NEDD9: variants seen among roughly 807,000 people sequenced by gnomAD.
NEDD9 encodes enhancer of filamentation 1.
A neutral mutation model predicts 76.6 loss-of-function variants in NEDD9; 26 were observed. That is an observed-to-expected ratio of 0.34 (90% CI 0.25 to 0.47). The LOEUF (loss-of-function observed/expected upper bound fraction) is 0.47. Ranked by LOEUF, NEDD9 falls within the 20% of genes least tolerant of loss-of-function variation. The pLI is 1.00. For missense variants in NEDD9, 937 were observed against 1,058.5 expected, an observed-to-expected ratio of 0.89 and a Z score of 1.59; for synonymous variants, 392 against 414.2, an observed-to-expected ratio of 0.95 and a Z score of 0.65.
intron 3 of NEDD9, among the ~76,000 whole-genome samples, chr6:11,275,124 C>T (rs370909584): frequency 1.3e-5 from 2 of 152,288 alleles, no homozygotes; most frequent in South Asian, 2.1e-4. Context: ...GGACATTTTG[C>T]TCAGGGGAAT....
At chr6:11,379,136 G>A (rs1301616215) in intron 1 of NEDD9, among the ~76,000 whole-genome samples, 1 of 152,194 alleles carries the variant, frequency 6.6e-6, no homozygotes, top group African/African-American at 2.4e-5. Context: ...GGCCAGGCAG[G>A]CCCTGGGTGG....
chr6:11,235,689 A>AG (rs1759583171), upstream of NEDD9, among the ~76,000 whole-genome samples: 1 of 152,338 alleles, frequency 6.6e-6, no homozygotes, highest in East Asian at 1.9e-4. The surrounding 1 kb of genome is among the most constrained non-coding windows in gnomAD (Gnocchi z 4.1). Context: ...GAATAGTTTC[A>AG]GGGATCCAGC....
In NEDD9 at chr6:11,266,700, C is replaced by A. The variant is rs534112733; in HGVS notation, c.12+39292G>T. ...TCACCTAGGAATGGGAAGTTGTAAC[C>A]AGTGGTCTGAGTCTAAGCCAGGATA... On this transcript the variant is annotated intron_variant, in intron 3 of 3. Transcript: ENST00000397378. Among the ~76,000 whole-genome samples, 50 of 152,256 alleles carry A rather than the reference C, an allele frequency of 3.3e-4. 1 individual carries two copies. The highest frequency in any genetic ancestry group is 3.1e-4 in the Non-Finnish European group (21 of 68,016).
chr6:11,183,852 T>C lies in NEDD9; in HGVS notation c.*1310A>G, dbSNP rs540052841. The C allele has an allele frequency of 2.0e-5, 3 of 152,366 alleles. No homozygotes were observed. Among genetic ancestry groups the C allele is most frequent in the African/African-American group, 7.2e-5 (3 of 41,582 alleles). 9.4% of individuals were successfully genotyped at this position (152,366 alleles called of 1,614,324 possible). A position where few individuals can be genotyped will look rare whatever the true frequency, so the allele number is the denominator to read the frequency against. Reference sequence around the variant, plus strand: ...GATAATGTGCTTCTTCTCTTGGTAATATGTGAATACATTTACCCATGGGGT... The same window carrying C: ...GATAATGTGCTTCTTCTCTTGGTAACATGTGAATACATTTACCCATGGGGT... On this transcript the variant is annotated 3_prime_UTR_variant, in exon 7 of 7. Transcript: ENST00000379446.
intron 2 of NEDD9, among the ~76,000 whole-genome samples, chr6:11,319,867 C>G (rs745908089): frequency 1.2e-4 from 19 of 152,238 alleles, no homozygotes; most frequent in Non-Finnish European, 2.2e-4. Flanking sequence ...CACACTCATA[C>G]ACACTAACAT....
intron 1 of NEDD9, among the ~76,000 whole-genome samples, chr6:11,215,214 T>G (rs931036996): frequency 2.6e-5 from 4 of 152,180 alleles, no homozygotes; most frequent in Admixed American, 1.3e-4. Context: ...GATAAAGCCA[T>G]AGAGGACAGT....
chr6:11,253,206 CG>C (rs1759943774), intron 3 of NEDD9, among the ~76,000 whole-genome samples: 1 of 152,090 alleles, frequency 6.6e-6, no homozygotes, highest in Non-Finnish European at 1.5e-5. Context: ...TGTGCGCAGT[CG>C]TTGAACTTAC....
intron 2 of NEDD9, among the ~76,000 whole-genome samples, chr6:11,324,117 C>T (rs950217175): frequency 2.6e-5 from 4 of 152,204 alleles, no homozygotes; most frequent in African/African-American, 9.7e-5. Context: ...AGCCACGTGG[C>T]CACTGGTTTC....
chr6:11,307,865 G>A (rs982507760), intron 2 of NEDD9, among the ~76,000 whole-genome samples: 3 of 151,896 alleles, frequency 2.0e-5, no homozygotes, highest in Non-Finnish European at 2.9e-5. Context: ...CCCATGCACC[G>A]GGGTCTCTGT....
chr6:11,342,334 G>A (rs1011590112), intron 1 of NEDD9, among the ~76,000 whole-genome samples: 3 of 151,936 alleles, frequency 2.0e-5, no homozygotes, highest in Non-Finnish European at 4.4e-5. Flanking sequence ...AAAAATCCAC[G>A]AAGCCCAAGT....
chr6:11,324,933 T>C (rs1761889218), intron 2 of NEDD9, among the ~76,000 whole-genome samples: 1 of 152,238 alleles, frequency 6.6e-6, no homozygotes, highest in Non-Finnish European at 1.5e-5. Context: ...GTTACTTCTT[T>C]GCATTTGCAA....
chr6:11,343,935 G>T (rs1024451436), intron 1 of NEDD9, among the ~76,000 whole-genome samples: 4 of 152,180 alleles, frequency 2.6e-5, no homozygotes, highest in Non-Finnish European at 4.4e-5. Context: ...AACTATAGAT[G>T]TTTACAATAA....
Position 11,225,093 on chromosome 6 carries a change from T to C in NEDD9, c.12+7411A>G, listed in dbSNP as rs1254922229. On this transcript the variant is annotated intron_variant, in intron 1 of 6. Transcript: ENST00000379446. ...CTGGGTTTCACAGATAATTAATCCA[T>C]CCACCGCCCCCCTGCCCCCCAACCA... Among the ~76,000 whole-genome samples the C allele has an allele frequency of 5.3e-5, 8 of 152,200 alleles. No individual in the cohort carries two copies. The South Asian group carries it at 1.5e-3, about 28-fold the overall frequency.
At chr6:11,291,619 A>C (rs1414077365) in intron 3 of NEDD9, among the ~76,000 whole-genome samples, 1 of 152,142 alleles carries the variant, frequency 6.6e-6, no homozygotes, top group Non-Finnish European at 1.5e-5. Context: ...ATGTAAACCT[A>C]CTGTTTAATT....
intron 1 of NEDD9, among the ~76,000 whole-genome samples, chr6:11,224,899 G>A (rs1315097847): frequency 6.6e-6 from 1 of 152,140 alleles, no homozygotes; most frequent in Non-Finnish European, 1.5e-5. Context: ...CTGAGATTAA[G>A]GCTAACTCAT....
At chr6:11,191,585 G>A (rs1758145896) in intron 4 of NEDD9, among the ~76,000 whole-genome samples, 1 of 152,166 alleles carries the variant, frequency 6.6e-6, no homozygotes, top group Non-Finnish European at 1.5e-5. Flanking sequence ...TGAATGAGCT[G>A]CATAGGCGTC....
chr6:11,306,096 CT>C, exon 3 of NEDD9: 2 of 1,444,408 alleles, frequency 1.4e-6, no homozygotes, highest in Non-Finnish European at 1.9e-6. Flanking sequence ...CATAACTCTA[CT>C]TGAAGAACAT....
chr6:11,361,622 G>C (rs1159165994), intron 1 of NEDD9, among the ~76,000 whole-genome samples: 1 of 152,180 alleles, frequency 6.6e-6, no homozygotes, highest in Non-Finnish European at 1.5e-5. Flanking sequence ...TTCAACATGA[G>C]ATTTTTGGGT....
Position 11,190,490 on chromosome 6 carries a change from T to G in NEDD9, c.1379A>C (p.Lys460Thr). Residue 460 changes from lysine (K) to threonine (T), a missense_variant, in exon 5 of 7, where the codon AAG becomes ACG. Coordinates refer to ENST00000379446, the MANE Select transcript of NEDD9 (RefSeq NM_006403.4). This position sits in a 1 kb window ranked among gnomAD's most constrained non-coding sequence, Gnocchi z 5.8. ...TAVDKVELFL[K>T]EYLHFVKGAV... ...TCCCTTGACAAAGTGGAGGTACTCCTTCAGGAACAGCTCCACCTTGTCCAC... is the reference window on the plus strand; with the variant it reads ...TCCCTTGACAAAGTGGAGGTACTCCGTCAGGAACAGCTCCACCTTGTCCAC... 6.2e-7 allele frequency: 1 copy of G among 1,614,212 alleles called. No homozygotes were observed. The highest frequency in any genetic ancestry group is 8.5e-7 in the Non-Finnish European group (1 of 1,180,036).
Sources: gnomAD v4.1 joint callset for allele counts (sites outside exome capture counted in the v4.1 genomes callset) on GRCh38, gnomAD v4.1.1 for gene constraint, Gnocchi (gnomAD v3.1) non-coding constraint, MANE v1.5 for transcripts, NCBI Gene and HGNC (gene_info 2026-07-23, HGNC 2026-07-21) for gene names.